Variants in SCML2 observed in about 807,000 individuals in gnomAD.
The protein encoded by SCML2 is Scm polycomb group protein like 2.
SCML2 carries 6 observed loss-of-function variants against 48.4 expected under a neutral mutation model. That is an observed-to-expected ratio of 0.12 (90% CI 0.07 to 0.24). The LOEUF is 0.24. SCML2 is among the 10% of genes least tolerant of loss of function. SCML2 has a pLI of 1.00. For synonymous variants in SCML2, 181 were observed against 189.5 expected, an observed-to-expected ratio of 0.95 and a Z score of 0.37; for missense variants, 377 against 528.2, an observed-to-expected ratio of 0.71 and a Z score of 2.81.
intron 11 of SCML2, among the ~76,000 whole-genome samples, chrX:18,256,278 CCT>C (rs1353899872): frequency 9.0e-6 from 1 of 111,027 alleles, no homozygotes; most frequent in Non-Finnish European, 1.9e-5. Flanking sequence ...ATGGCAAAAC[CCT>C]GTCTCTACTA....
At chrX:18,341,300 C>G in intron 1 of SCML2, 3 of 511,706 alleles carry the variant, frequency 5.9e-6, no homozygotes, top group Non-Finnish European at 9.3e-6. Flanking sequence ...GAACACCCTG[C>G]TGACCAAAGA....
chrX:18,268,620 G>A (rs947370420), intron 7 of SCML2, among the ~76,000 whole-genome samples: 11 of 109,049 alleles, frequency 1.0e-4, no homozygotes, highest in Non-Finnish European at 1.5e-4. Flanking sequence ...AAGTTTTCTC[G>A]GTGGGGGGAG....
intron 3 of SCML2, among the ~76,000 whole-genome samples, chrX:18,330,295 T>C (rs1304124737): frequency 5.4e-5 from 6 of 112,084 alleles, no homozygotes; most frequent in Non-Finnish European, 5.6e-5. Flanking sequence ...CAAATTATTT[T>C]AAATTGGTAA....
chrX:18,296,491 C>G, intron 7 of SCML2, among the ~76,000 whole-genome samples: 2 of 110,211 alleles, frequency 1.8e-5, no homozygotes, highest in South Asian at 7.7e-4. Flanking sequence ...TTGGATGTTT[C>G]AAAAGATGAA....
rs1002209294 is a variant in SCML2 at position 18,249,257 on chromosome X, T to C, written c.1457-1375A>G. Among the ~76,000 whole-genome samples, 4 of 111,879 alleles carry C rather than the reference T, an allele frequency of 3.6e-5. No individual in the cohort carries two copies. In the Admixed American group the frequency reaches 3.8e-4, roughly 11 times the overall value. Reference sequence around the variant, plus strand: ...TCTCAGAAAAAAACAGCAAATTCTGTGGCATTTTAACTTGCCCTAATATAA... The same window carrying C: ...TCTCAGAAAAAAACAGCAAATTCTGCGGCATTTTAACTTGCCCTAATATAA... On this transcript the variant is annotated intron_variant, in intron 11 of 14. Coordinates refer to ENST00000251900, the MANE Select transcript of SCML2 (RefSeq NM_006089.3).
At chrX:18,295,654 A>G (rs141278006) in intron 7 of SCML2, among the ~76,000 whole-genome samples, 1,225 of 78,246 alleles carry the variant, frequency 0.016, 23 homozygotes, top group African/African-American at 0.06. Flanking sequence ...CTGCAAGCCC[A>G]AATTCAGCCA....
At chrX:18,333,681 G>A (rs767854084) in intron 2 of SCML2, among the ~76,000 whole-genome samples, 4 of 112,025 alleles carry the variant, frequency 3.6e-5, no homozygotes, top group Non-Finnish European at 7.5e-5. Context: ...TGTATTATGG[G>A]AAGGAAGATA....
chrX:18,280,981 T>TCAA (rs1200288094), intron 7 of SCML2, among the ~76,000 whole-genome samples: 1 of 112,716 alleles, frequency 8.9e-6, no homozygotes, highest in Admixed American at 9.3e-5. Flanking sequence ...AGACTTAAAC[T>TCAA]CAACACTTGA....
At chrX:18,293,245 T>C (rs1928291551) in intron 7 of SCML2, among the ~76,000 whole-genome samples, 1 of 111,926 alleles carries the variant, frequency 8.9e-6, no homozygotes, top group Non-Finnish European at 1.9e-5. Flanking sequence ...TCTAAATAAA[T>C]GGTGTATTGC....
chrX:18,284,009 G>T (rs750376603), intron 7 of SCML2, among the ~76,000 whole-genome samples: 1 of 111,952 alleles, frequency 8.9e-6, no homozygotes, highest in African/African-American at 3.2e-5. Flanking sequence ...AACAAAGCCA[G>T]AGGTATCACA....
chrX:18,334,539 A>G (rs1012081984), intron 1 of SCML2, among the ~76,000 whole-genome samples: 1 of 111,923 alleles, frequency 8.9e-6, no homozygotes, highest in African/African-American at 3.2e-5. Flanking sequence ...CATGTTGCCA[A>G]GAGGTACAAG....
intron 1 of SCML2, among the ~76,000 whole-genome samples, chrX:18,343,760 C>CAAAAAAAAAAA (rs1196514399): frequency 1.4e-3 from 52 of 38,251 alleles, no homozygotes; most frequent in Non-Finnish European, 1.5e-3. Flanking sequence ...GACTCTGTCT[C>CAAAAAAAAAAA]AAAAAAAAAA....
intron 3 of SCML2, among the ~76,000 whole-genome samples, chrX:18,328,368 C>T (rs1929550408): frequency 9.0e-6 from 1 of 111,678 alleles, no homozygotes; most frequent in Admixed American, 9.6e-5. Flanking sequence ...ATCTTGCCCA[C>T]TAAGCTCAAA....
intron 13 of SCML2, among the ~76,000 whole-genome samples, chrX:18,245,607 C>T (rs971924748): frequency 8.9e-6 from 1 of 112,031 alleles, no homozygotes; most frequent in African/African-American, 3.2e-5. Context: ...TCCTCAACCT[C>T]GCCTGCATGC....
intron 1 of SCML2, among the ~76,000 whole-genome samples, chrX:18,343,760 C>CAAAAAAAAAA (rs1196514399): frequency 3.1e-4 from 12 of 38,463 alleles, no homozygotes; most frequent in African/African-American, 3.8e-4. Context: ...GACTCTGTCT[C>CAAAAAAAAAA]AAAAAAAAAA....
chrX:18,324,597 G>A (rs752180552), intron 4 of SCML2, among the ~76,000 whole-genome samples: 1 of 111,921 alleles, frequency 8.9e-6, no homozygotes, highest in African/African-American at 3.2e-5. Flanking sequence ...TCTCTGCCTG[G>A]ACTATCCTTC....
chrX:18,338,637 G>A (rs1013435209), intron 1 of SCML2, among the ~76,000 whole-genome samples: 4 of 109,148 alleles, frequency 3.7e-5, no homozygotes, highest in African/African-American at 1.3e-4. Context: ...GAGGGGCTGG[G>A]TGTGGTGGCT....
At chrX:18,339,547 AAAAAT>A (rs1166381443) in intron 1 of SCML2, among the ~76,000 whole-genome samples, 1 of 111,048 alleles carries the variant, frequency 9.0e-6, no homozygotes, top group Non-Finnish European at 1.9e-5. Context: ...ATCACTACAG[AAAAAT>A]AAAATAAAAT....
intron 1 of SCML2, among the ~76,000 whole-genome samples, chrX:18,334,498 G>A (rs1034941078): frequency 1.8e-5 from 2 of 111,773 alleles, no homozygotes; most frequent in South Asian, 7.5e-4. Context: ...TCAAACTGAG[G>A]CCTATTCCAG....
Sources: allele counts gnomAD v4.1 joint callset (sites outside exome capture counted in the v4.1 genomes callset), GRCh38; gene constraint gnomAD v4.1.1; transcripts MANE v1.5; gene names NCBI Gene and HGNC (gene_info 2026-07-23, HGNC 2026-07-21).